The following SHC3 variants were observed in gnomAD, a reference collection of about 807,000 sequenced individuals.
SHC3 encodes SHC adaptor protein 3.
A neutral mutation model predicts 60.4 loss-of-function variants in SHC3; 15 were observed. That is an observed-to-expected ratio of 0.25 (90% CI 0.17 to 0.38). SHC3 has a LOEUF of 0.38. Ranked by LOEUF, SHC3 falls within the 10% of genes least tolerant of loss-of-function variation. The probability of loss-of-function intolerance (pLI) is 1.00; values close to 1 mark genes in which losing one functional copy is unlikely to be tolerated. For missense variants in SHC3, 677 were observed against 786.1 expected (o/e 0.86, Z 1.66); for synonymous variants, 294 against 325.9 (o/e 0.90, Z 1.05).
At chr9:89,039,356 A>C (rs567086838) in intron 10 of SHC3, among the ~76,000 whole-genome samples, 1 of 152,332 alleles carries the variant, frequency 6.6e-6, no homozygotes, top group South Asian at 2.1e-4. Flanking sequence ...ATGAAACTAA[A>C]ATTAGCTCTT....
At chr9:89,084,123 T>G (rs1825489935) in intron 2 of SHC3, among the ~76,000 whole-genome samples, 1 of 152,222 alleles carries the variant, frequency 6.6e-6, no homozygotes. Context: ...ACTTTAATCT[T>G]GTATGTTGCA....
At chr9:89,020,504 G>A (rs1426417352) in intron 11 of SHC3, among the ~76,000 whole-genome samples, 1 of 152,154 alleles carries the variant, frequency 6.6e-6, no homozygotes, top group East Asian at 1.9e-4. Context: ...TCCTCTGGCT[G>A]TGACGTACGT....
intron 2 of SHC3, among the ~76,000 whole-genome samples, chr9:89,101,090 A>G (rs1825776345): frequency 6.6e-6 from 1 of 152,208 alleles, no homozygotes. Flanking sequence ...AATTTTTCTC[A>G]TCAATGTTCA....
At chr9:89,116,394 A>C (rs1244958731) in intron 1 of SHC3, among the ~76,000 whole-genome samples, 2 of 152,082 alleles carry the variant, frequency 1.3e-5, no homozygotes, top group Non-Finnish European at 2.9e-5. Context: ...ATGTGGATAC[A>C]CCACCACCAC....
intron 2 of SHC3, among the ~76,000 whole-genome samples, chr9:89,105,271 G>T (rs1564146878): frequency 2.0e-5 from 3 of 152,158 alleles, no homozygotes; most frequent in Non-Finnish European, 1.5e-5. Context: ...CCTGACTGTA[G>T]TCTCTGGGTT....
At chr9:89,154,946 C>A (rs1020918432) in intron 1 of SHC3, among the ~76,000 whole-genome samples, 2 of 152,202 alleles carry the variant, frequency 1.3e-5, no homozygotes, top group African/African-American at 4.8e-5. Context: ...GTGGGTGAGG[C>A]AGATAAAACT....
chr9:89,177,072 C>A (rs1826951162), intron 1 of SHC3, among the ~76,000 whole-genome samples: 1 of 152,192 alleles, frequency 6.6e-6, no homozygotes, highest in African/African-American at 2.4e-5. Context: ...AATACTGCAA[C>A]TTCCATCCTT....
At chr9:89,166,372 G>A (rs781673835) in intron 1 of SHC3, among the ~76,000 whole-genome samples, 24 of 152,282 alleles carry the variant, frequency 1.6e-4, no homozygotes, top group African/African-American at 3.6e-4. Flanking sequence ...ATAGATACCC[G>A]TTGAATAAAA....
intron 1 of SHC3, among the ~76,000 whole-genome samples, chr9:89,138,625 T>C (rs1413749452): frequency 6.6e-6 from 1 of 152,222 alleles, no homozygotes; most frequent in Non-Finnish European, 1.5e-5. Flanking sequence ...CCTAACCGTC[T>C]GGGAATCCAG....
intron 2 of SHC3, among the ~76,000 whole-genome samples, chr9:89,106,801 T>G (rs1825866376): frequency 6.6e-6 from 1 of 152,084 alleles, no homozygotes; most frequent in Non-Finnish European, 1.5e-5. Flanking sequence ...GTGGGTCCCT[T>G]CCCTTCACCA....
At chr9:89,065,183 G>T (rs1301945230) in intron 6 of SHC3, among the ~76,000 whole-genome samples, 1 of 152,176 alleles carries the variant, frequency 6.6e-6, no homozygotes, top group Non-Finnish European at 1.5e-5. Context: ...AGTGGGCACT[G>T]GGCACACACC....
In SHC3 at chr9:89,119,924, A is replaced by C. The variant is rs1274617078; in HGVS notation, c.475-7298T>G. Reference sequence around the variant, plus strand: ...TCCAGGAGAAAGAGCACACATGTCCATGGGAACCATTGAAGAAAGGATGAG... The same window carrying C: ...TCCAGGAGAAAGAGCACACATGTCCCTGGGAACCATTGAAGAAAGGATGAG... On this transcript the variant is annotated intron_variant, in intron 1 of 11. Coordinates refer to ENST00000375835, the MANE Select transcript of SHC3 (RefSeq NM_016848.6). Among the ~76,000 whole-genome samples the C allele has an allele frequency of 2.6e-5, 4 of 152,238 alleles. No homozygotes were observed. The East Asian group carries it at 7.7e-4, about 29-fold the overall frequency.
At chr9:89,048,230 T>A (rs1824804361) in intron 7 of SHC3, among the ~76,000 whole-genome samples, 4 of 107,604 alleles carry the variant, frequency 3.7e-5, no homozygotes, top group African/African-American at 3.7e-5. Flanking sequence ...GGCAATGGAG[T>A]AAGACTCCAT....
At chr9:89,165,526 C>A (rs200882613) in intron 1 of SHC3, among the ~76,000 whole-genome samples, 854 of 120,884 alleles carry the variant, frequency 7.1e-3, no homozygotes, top group Non-Finnish European at 8.1e-3. Flanking sequence ...ATCATCAAGG[C>A]AAAAAAAAAA....
intron 6 of SHC3, among the ~76,000 whole-genome samples, chr9:89,059,766 ATGGTGGTG>A (rs1564109428): frequency 0.013 from 773 of 61,608 alleles, no homozygotes; most frequent in East Asian, 0.02. Flanking sequence ...GTGGTGGAGG[ATGGTGGTG>A]GAGGATGGTG....
intron 11 of SHC3, among the ~76,000 whole-genome samples, chr9:89,022,124 C>T (rs970457738): frequency 9.9e-5 from 15 of 152,094 alleles, no homozygotes; most frequent in Non-Finnish European, 2.1e-4. Context: ...CAGGGAACTC[C>T]GCCCCACCCC....
At chr9:89,043,459 G>C (rs1415568324) in intron 9 of SHC3, among the ~76,000 whole-genome samples, 2 of 152,114 alleles carry the variant, frequency 1.3e-5, no homozygotes, top group African/African-American at 4.8e-5. Flanking sequence ...AATTTTAAAA[G>C]GAGAAGATCA....
intron 11 of SHC3, among the ~76,000 whole-genome samples, chr9:89,019,128 A>T (rs1184690143): frequency 6.6e-6 from 1 of 152,066 alleles, no homozygotes; most frequent in Non-Finnish European, 1.5e-5. Context: ...ATACTGAGGA[A>T]CTCAAAGATC....
At chr9:89,098,833 A>G (rs1825742710) in intron 2 of SHC3, among the ~76,000 whole-genome samples, 1 of 151,862 alleles carries the variant, frequency 6.6e-6, no homozygotes, top group Admixed American at 6.6e-5. Context: ...TTAACCAGGC[A>G]TGGTGGTGGA....
Sources: allele counts gnomAD v4.1 joint callset (sites outside exome capture counted in the v4.1 genomes callset), GRCh38; gene constraint gnomAD v4.1.1; transcripts MANE v1.5; gene names NCBI Gene and HGNC (gene_info 2026-07-23, HGNC 2026-07-21).